CCDC154: variants seen among roughly 807,000 people sequenced by gnomAD.
CCDC154 encodes the protein coiled-coil domain containing 154, also known as coiled-coil domain-containing protein 154.
Under a neutral mutation model 87.5 loss-of-function variants are expected in CCDC154, and 91 were observed. That is an observed-to-expected ratio of 1.04 (90% CI 0.88 to 1.24). CCDC154 has a LOEUF of 1.24. Among genes scored for constraint, CCDC154 ranks in the 50% most tolerant of loss-of-function variants. CCDC154 has a pLI of 0.00. For synonymous variants in CCDC154, 418 were observed against 400.4 expected, an observed-to-expected ratio of 1.04 and a Z score of -0.52; for missense variants, 903 against 879.2, an observed-to-expected ratio of 1.03 and a Z score of -0.34.
At position 1,437,839 on chromosome 16, in the gene CCDC154, A is replaced by T; in HGVS notation, c.1268T>A (p.Met423Lys). The T allele has an allele frequency of 6.5e-7, 1 of 1,538,380 alleles. No individual in the cohort carries two copies. Among genetic ancestry groups the T allele is most frequent in the Non-Finnish European group, 8.7e-7 (1 of 1,145,322 alleles). The change falls in exon 11 of 17, where the codon ATG becomes AAG. Residue 423 changes from methionine (M) to lysine (K), a missense_variant. By Grantham distance (95) the Met-to-Lys change is moderately conservative (BLOSUM62 -1). Coordinates refer to ENST00000389176, the MANE Select transcript of CCDC154 (RefSeq NM_001143980.3). ...LSSRLDLQEQ[M>K]LGLRLSEAKT... ...CACCTCGGACAGCCTGAGGCCCAGC[A>T]TCTGCTCCTGCAGATCGAGCCGGCT...
intron 6 of CCDC154, among the ~76,000 whole-genome samples, chr16:1,441,733 C>T (rs879306033): frequency 9.9e-5 from 15 of 152,074 alleles, no homozygotes; most frequent in Non-Finnish European, 1.6e-4. Context: ...CTTCCTGGGA[C>T]GAAGAGCGCC....
In CCDC154 at chr16:1,444,542, C is replaced by T. The variant is rs1376154645; in HGVS notation, c.-220G>A. Reference sequence around the variant, plus strand: ...GGCAGCGGGGCCGTTCCAGAACCTTCCTTCTCTCCCCAGAACCTCACGGCT... The same window carrying T: ...GGCAGCGGGGCCGTTCCAGAACCTTTCTTCTCTCCCCAGAACCTCACGGCT... On this transcript the variant is annotated 5_prime_UTR_variant, in exon 1 of 17. Coordinates refer to ENST00000389176, the MANE Select transcript of CCDC154 (RefSeq NM_001143980.3). 8.6e-6 allele frequency: 3 copies of T among 349,580 alleles called. No homozygotes were observed. The highest frequency in any genetic ancestry group is 8.1e-5 in the East Asian group (1 of 12,294). 21.7% of individuals were successfully genotyped at this position (349,580 alleles called of 1,614,324 possible).
intron 6 of CCDC154, among the ~76,000 whole-genome samples, chr16:1,439,768 C>G (rs1337075602): frequency 2.0e-5 from 3 of 152,202 alleles, no homozygotes; most frequent in Non-Finnish European, 2.9e-5. Flanking sequence ...CTCATGGGAT[C>G]TCTGTTGTAA....
intron 3 of CCDC154, 26 bp from the exon 4 acceptor site, chr16:1,443,327 G>A (rs1008890330): frequency 8.4e-6 from 13 of 1,543,918 alleles, no homozygotes; most frequent in Middle Eastern, 1.7e-4. Flanking sequence ...GGAGGCTGTG[G>A]GCTGGACCTA....
chr16:1,443,355 T>A, intron 3 of CCDC154, 54 bp from the exon 4 acceptor site: 1 of 1,526,648 alleles, frequency 6.6e-7, no homozygotes, highest in Non-Finnish European at 8.8e-7. Flanking sequence ...GTCTGGCACC[T>A]GCCCCTGGAG....
At chr16:1,435,042 G>C (rs1481703428) in intron 15 of CCDC154, 47 bp downstream of exon 15, 1 of 1,521,746 alleles carries the variant, frequency 6.6e-7, no homozygotes, top group Admixed American at 2.0e-5. Flanking sequence ...CAGGGCTGAG[G>C]GAGCGGGTGG....
chr16:1,444,379 T>C lies in CCDC154; in HGVS notation c.-57A>G, dbSNP rs1400442810. 3 of 1,293,182 alleles carry C rather than the reference T, an allele frequency of 2.3e-6. No individual in the cohort carries two copies. Among genetic ancestry groups the C allele is most frequent in the Non-Finnish European group, 3.0e-6 (3 of 986,484 alleles). 80.1% of individuals were successfully genotyped at this position (1,293,182 alleles called of 1,614,324 possible). ...CGGCTGTAGCTTGGGCCTTGGGGCC[T>C]CTGAGGTTGCCCAGAGCTGGGCACA... On this transcript the variant is annotated 5_prime_UTR_variant, in exon 1 of 17. Transcript: ENST00000389176.
chr16:1,436,651 C>T (rs2038504785), intron 12 of CCDC154, 41 bp downstream of exon 12: 1 of 1,548,064 alleles, frequency 6.5e-7, no homozygotes, highest in South Asian at 1.2e-5. Flanking sequence ...ACGCCACCTC[C>T]AAGGCCCAAG....
At chr16:1,436,217 C>G (rs1432515368) in intron 13 of CCDC154, 131 bp from the exon 14 acceptor site, 2 of 875,322 alleles carry the variant, frequency 2.3e-6, no homozygotes, top group African/African-American at 3.4e-5. Flanking sequence ...TGTCACCCCT[C>G]CAGTGGGGAA....
At chr16:1,439,458 GGTGTCCCCATGC>G (rs200093888) in intron 6 of CCDC154, 35,633 of 371,096 alleles carry the variant, frequency 0.096, 2,331 homozygotes, top group East Asian at 0.21. Flanking sequence ...GTGTCGTGCA[GGTGTCCCCATGC>G]ACGGGGAGCC....
intron 11 of CCDC154, chr16:1,437,130 G>A (rs11639937): frequency 0.096 from 36,544 of 381,094 alleles, 2,207 homozygotes; most frequent in Non-Finnish European, 0.13. Context: ...AGCCGCGCTC[G>A]CGTGTCGGTG....
At chr16:1,439,255 GCCTGCCACACC>G in intron 6 of CCDC154, 129 bp from the exon 7 acceptor site, 2 of 819,266 alleles carry the variant, frequency 2.4e-6, no homozygotes, top group Non-Finnish European at 3.8e-6. Flanking sequence ...GCTGAGCTGG[GCCTGCCACACC>G]CTCAGCCGGA....
Position 1,435,224 on chromosome 16 carries a change from C to T in CCDC154, c.1606-49G>A, listed in dbSNP as rs909242731. On this transcript the variant is annotated intron_variant, in intron 14 of 16. Transcript: ENST00000389176. ...ACAGACAGGGCCAGTCTGCTGGCAT[C>T]CTGCTGTCCCCACAGGCACCCCGAT... The T allele has an allele frequency of 1.3e-5, 19 of 1,493,786 alleles. No homozygotes were observed. The East Asian group carries it at 4.7e-4, about 37-fold the overall frequency. The allele number at this position is 1,493,786 out of a possible 1,614,324, so 92.5% of individuals were successfully genotyped here.
chr16:1,435,143 G>A lies in CCDC154; in HGVS notation c.1638C>T (p.Cys546=), dbSNP rs547063944. 1.2e-4 allele frequency: 192 copies of A among 1,550,474 alleles called. No individual in the cohort carries two copies. Among genetic ancestry groups the A allele is most frequent in the Non-Finnish European group, 1.5e-4 (176 of 1,146,862 alleles). Residue 546 remains cysteine, a synonymous_variant, in exon 15 of 17, where the codon TGC becomes TGT. Transcript: ENST00000389176. ...TCTGGATGGTCTTGTTGGCCTGGAC[G>A]CAGTTTTCCAGCTTCATTATTTGGT... ...FQNQIMKLEN[C]VQANKTIQNL... is the part of the protein sequence containing the mutation.
At chr16:1,440,945 C>T (rs2038546624) in intron 6 of CCDC154, among the ~76,000 whole-genome samples, 1 of 142,848 alleles carries the variant, frequency 7.0e-6, no homozygotes, top group African/African-American at 2.7e-5. Flanking sequence ...AGGGAGACTC[C>T]GTCTTAAAAA....
chr16:1,444,008 C>T lies in CCDC154; in HGVS notation c.12G>A (p.Leu4=), dbSNP rs746747782. Residue 4 remains leucine (L), a synonymous_variant, in exon 2 of 17, where the codon TTG becomes TTA. Transcript: ENST00000389176. Reference sequence around the variant, plus strand: ...ATGCCCCTGAGGGTCCACTGTCAGCCAACTCTACAAGGAGGCATCTTGGGA... The same window carrying T: ...ATGCCCCTGAGGGTCCACTGTCAGCTAACTCTACAAGGAGGCATCTTGGGA... The part of the protein sequence containing the change: MSE[L]ADSGPSGASA... 7.7e-7 allele frequency: 1 copy of T among 1,299,226 alleles called. No individual in the cohort carries two copies. Among genetic ancestry groups the T allele is most frequent in the Admixed American group, 2.3e-5 (1 of 43,572 alleles). 80.5% of individuals were successfully genotyped at this position (1,299,226 alleles called of 1,614,324 possible).
chr16:1,444,135 G>T (rs2038587697), intron 1 of CCDC154, 123 bp from the exon 2 acceptor site: 4 of 993,872 alleles, frequency 4.0e-6, no homozygotes, highest in African/African-American at 3.4e-5. Flanking sequence ...GCGTCTCCTT[G>T]GGTCACACAG....
chr16:1,438,990 G>T lies in CCDC154; in HGVS notation c.777+35C>A, dbSNP rs77488687. 2.6e-6 allele frequency: 4 copies of T among 1,549,702 alleles called. No homozygotes were observed. In the East Asian group the frequency reaches 9.8e-5, roughly 38 times the overall value. On this transcript the variant is annotated intron_variant, in intron 7 of 16. Transcript: ENST00000389176. ...AGCTGCAGGTCTGCGTCTGGGAAGG[G>T]GGGCAGGGCAGGCCAGCCGCGGGCA...
In CCDC154 at chr16:1,436,875, G is replaced by A. The variant is rs572584637; in HGVS notation, c.1291-64C>T. On this transcript the variant is annotated intron_variant, in intron 11 of 16. Transcript: ENST00000389176. Reference sequence around the variant, plus strand: ...AGGGGGGACAGACAGATGGAAAGACGGACACGGGGAGCTCTGGGGAGCAGG... The same window carrying A: ...AGGGGGGACAGACAGATGGAAAGACAGACACGGGGAGCTCTGGGGAGCAGG... 248 of 1,537,694 alleles carry A rather than the reference G, an allele frequency of 1.6e-4. 4 individuals are homozygous for A. The South Asian group carries it at 2.7e-3, about 17-fold the overall frequency.
Sources: gnomAD v4.1 joint callset for allele counts (sites outside exome capture counted in the v4.1 genomes callset) on GRCh38, gnomAD v4.1.1 for gene constraint, MANE v1.5 for transcripts, NCBI Gene and HGNC (gene_info 2026-07-23, HGNC 2026-07-21) for gene names.